NIPBL: variants seen among roughly 807,000 people sequenced by gnomAD.
The protein encoded by NIPBL is NIPBL cohesin loading factor.
NIPBL carries 19 observed loss-of-function variants against 321.8 expected under a neutral mutation model. The observed-to-expected ratio is 0.06, with a 90% CI of 0.04 to 0.09. The LOEUF is 0.09. Ranked by LOEUF, NIPBL falls within the 10% of genes least tolerant of loss-of-function variation. The pLI is 1.00. For missense variants in NIPBL, 2,210 were observed against 3,327.0 expected (o/e 0.66, Z 8.26); for synonymous variants, 1,106 against 1,114.1 (o/e 0.99, Z 0.14).
chr5:36,923,377 G>GAT (rs1749102541), intron 1 of NIPBL, among the ~76,000 whole-genome samples: 1 of 151,820 alleles, frequency 6.6e-6, no homozygotes, highest in Non-Finnish European at 1.5e-5. Context: ...TATTCTCTGA[G>GAT]ATATATATAT....
chr5:36,877,121 T>G lies in NIPBL; in HGVS notation c.-137T>G. On this transcript the variant is annotated 5_prime_UTR_variant, in exon 1 of 47. An upstream open reading frame in the 5' UTR loses its in-frame stop. Coordinates refer to ENST00000282516, the MANE Select transcript of NIPBL (RefSeq NM_133433.4). ...CCACCCCCCCTCCCGGCCCGGATTA[T>G]AGTCTCTCGCCACAGCGGCCTCGGC... 4 of 297,792 alleles carry G rather than the reference T, an allele frequency of 1.3e-5. No individual in the cohort carries two copies. The highest frequency in any genetic ancestry group is 1.8e-5 in the Non-Finnish European group (3 of 164,026). 18.4% of individuals were successfully genotyped at this position (297,792 alleles called of 1,614,324 possible).
intron 10 of NIPBL, among the ~76,000 whole-genome samples, chr5:36,986,708 G>T (rs1307430400): frequency 6.6e-6 from 1 of 152,118 alleles, no homozygotes; most frequent in South Asian, 2.1e-4. Flanking sequence ...AATTATTGAT[G>T]AATAATTTGT....
intron 14 of NIPBL, among the ~76,000 whole-genome samples, chr5:37,002,437 T>C (rs895966290): frequency 6.6e-6 from 1 of 152,204 alleles, no homozygotes; most frequent in Non-Finnish European, 1.5e-5. Context: ...ATATCTAAAG[T>C]AGTAAAGATA....
chr5:36,933,053 A>G (rs1749901569), intron 1 of NIPBL, among the ~76,000 whole-genome samples: 1 of 151,970 alleles, frequency 6.6e-6, no homozygotes, highest in African/African-American at 2.4e-5. Flanking sequence ...AGGGATTACA[A>G]TATGCTTCTT....
At chr5:36,907,548 A>C (rs1289539476) in intron 1 of NIPBL, among the ~76,000 whole-genome samples, 4 of 152,188 alleles carry the variant, frequency 2.6e-5, no homozygotes, top group African/African-American at 9.6e-5. Context: ...TCCCACCTTA[A>C]GTAAAGAAAA....
chr5:37,021,993 T>C, intron 27 of NIPBL, 58 bp from the exon 28 acceptor site: 1 of 1,310,702 alleles, frequency 7.6e-7, no homozygotes, highest in Non-Finnish European at 1.1e-6. Flanking sequence ...TTCATGCTAT[T>C]TTTAATTAAA....
At chr5:36,883,646 G>A (rs1030324443) in intron 1 of NIPBL, among the ~76,000 whole-genome samples, 4 of 151,900 alleles carry the variant, frequency 2.6e-5, no homozygotes, top group African/African-American at 9.7e-5. Flanking sequence ...AAGCAAAAAT[G>A]TCCTTTAATC....
intron 43 of NIPBL, among the ~76,000 whole-genome samples, chr5:37,058,250 A>T (rs1481643964): frequency 6.6e-6 from 1 of 152,220 alleles, no homozygotes; most frequent in Non-Finnish European, 1.5e-5. Flanking sequence ...ATAATTTCCC[A>T]GGAGCTTTAG....
chr5:37,006,009 T>C (rs369354394), intron 16 of NIPBL, among the ~76,000 whole-genome samples: 5 of 152,282 alleles, frequency 3.3e-5, no homozygotes, highest in Admixed American at 2.0e-4. Flanking sequence ...CTTTAAACTA[T>C]CATAATGTTT....
rs767027766 is a variant in NIPBL at position 37,026,336 on chromosome 5, G to T, written c.5808+9G>T. The T allele has an allele frequency of 4.6e-6, 7 of 1,537,190 alleles. No individual in the cohort carries two copies. In the South Asian group the frequency reaches 7.9e-5, roughly 17 times the overall value. On this transcript the variant is annotated intron_variant, in intron 31 of 46. Transcript: ENST00000282516. ...TAAACATTACCGATGTGGTAAGAAG[G>T]ACTGGAACAAGGGTGTGGTCACTGT...
chr5:36,911,774 G>A (rs1249005632), intron 1 of NIPBL, among the ~76,000 whole-genome samples: 3 of 152,086 alleles, frequency 2.0e-5, no homozygotes, highest in African/African-American at 7.2e-5. Context: ...CCTTTAAAAT[G>A]TCTTTTACCA....
chr5:37,009,576 A>G (rs1422821692), intron 20 of NIPBL, among the ~76,000 whole-genome samples: 2 of 152,254 alleles, frequency 1.3e-5, no homozygotes, highest in Non-Finnish European at 2.9e-5. Context: ...AAGAAAAACT[A>G]TCAACACATA....
intron 9 of NIPBL, among the ~76,000 whole-genome samples, chr5:36,977,694 G>A (rs1743647166): frequency 6.6e-6 from 1 of 150,960 alleles, no homozygotes. Context: ...GGCTTGTAGT[G>A]AACCCGTCAC....
intron 1 of NIPBL, among the ~76,000 whole-genome samples, chr5:36,898,720 A>G (rs1316691323): frequency 1.3e-5 from 2 of 152,156 alleles, no homozygotes; most frequent in Non-Finnish European, 1.5e-5. Flanking sequence ...CATGTTGGTC[A>G]GGCTGGTCTC....
At position 36,985,514 on chromosome 5, in the gene NIPBL, A is replaced by C. The variant is rs759987095; in HGVS notation, c.2334A>C (p.Glu778Asp). ...AGCCATCTACAGAGAAAAAACCTGA[A>C]GTGTCTAAACATAAACAAGATACTA... ...SGKPSTEKKP[E>D]VSKHKQDTKS... is the part of the protein sequence containing the mutation. The change falls in exon 10 of 47, where the codon GAA becomes GAC. Residue 778 changes from glutamate to aspartate, a missense_variant. By Grantham distance (45) the Glu-to-Asp change is conservative. Around this residue, in one of 14 missense-constraint regions of NIPBL, gnomAD observed 588 missense variants for 564.1 expected, o/e 1.04. Transcript: ENST00000282516. 2.5e-6 allele frequency: 4 copies of C among 1,613,636 alleles called. No individual in the cohort carries two copies. Among genetic ancestry groups the C allele is most frequent in the Non-Finnish European group, 3.4e-6 (4 of 1,179,954 alleles).
At chr5:36,892,172 A>G (rs1691044155) in intron 1 of NIPBL, among the ~76,000 whole-genome samples, 1 of 152,234 alleles carries the variant, frequency 6.6e-6, no homozygotes, top group Non-Finnish European at 1.5e-5. Flanking sequence ...GGTTAAAAGT[A>G]GTACAGTGGA....
chr5:37,057,066 G>A, intron 42 of NIPBL, 120 bp from the exon 43 acceptor site: 2 of 927,080 alleles, frequency 2.2e-6, no homozygotes, highest in Non-Finnish European at 1.7e-6. Context: ...GTGTGTGTCT[G>A]CTTATCTCTG....
chr5:36,876,830 GCCCTCCCCCCCCT>G lies in NIPBL; in HGVS notation c.-421_-409del. 4.9e-6 allele frequency: 1 copy of G among 203,366 alleles called. No homozygotes were observed. The highest frequency in any genetic ancestry group is 2.6e-4 in the South Asian group (1 of 3,826). 12.6% of individuals were successfully genotyped at this position (203,366 alleles called of 1,614,324 possible). On this transcript the variant is annotated 5_prime_UTR_variant, in exon 1 of 47. Transcript: ENST00000282516. ...GACACACACAGGGCTCCTTCCCCCC[GCCCTCCCCCCCCT>G]CCCTCCGTCGGTACCGACTCACCCG...
intron 45 of NIPBL, among the ~76,000 whole-genome samples, chr5:37,061,399 T>C: frequency 6.6e-6 from 1 of 152,290 alleles, no homozygotes; most frequent in East Asian, 1.9e-4. Context: ...CGTAGTGGGC[T>C]GCGTGAGGTG....
Sources: allele counts gnomAD v4.1 joint callset (sites outside exome capture counted in the v4.1 genomes callset), GRCh38; gene constraint gnomAD v4.1.1; regional missense constraint gnomAD v4.1.1; transcripts MANE v1.5; gene names NCBI Gene and HGNC (gene_info 2026-07-23, HGNC 2026-07-21).